CHST9: variants seen among roughly 807,000 people sequenced by gnomAD.
The protein encoded by CHST9 is carbohydrate sulfotransferase 9.
In CHST9, 41 loss-of-function variants were observed where a neutral mutation model predicts 44.4. The observed-to-expected ratio is 0.92, with a 90% CI of 0.72 to 1.20. The LOEUF (loss-of-function observed/expected upper bound fraction) is 1.20, where lower values mean the gene tolerates loss of function less well. CHST9 is among the 50% of genes most tolerant of loss of function. The probability of loss-of-function intolerance (pLI) is 0.00; values close to 1 mark genes in which losing one functional copy is unlikely to be tolerated. For missense variants in CHST9, 504 were observed against 516.5 expected, an observed-to-expected ratio of 0.98 and a Z score of 0.23; for synonymous variants, 171 against 178.4, an observed-to-expected ratio of 0.96 and a Z score of 0.33.
chr18:26,997,161 A>G (rs2056896373), intron 4 of CHST9, among the ~76,000 whole-genome samples: 1 of 152,206 alleles, frequency 6.6e-6, no homozygotes, highest in Non-Finnish European at 1.5e-5. Context: ...TGACAGGGCT[A>G]TAGAGTGCTT....
intron 2 of CHST9, among the ~76,000 whole-genome samples, chr18:27,086,904 G>A (rs1470397337): frequency 6.6e-6 from 1 of 152,064 alleles, no homozygotes; most frequent in Non-Finnish European, 1.5e-5. Context: ...TTGCTTAACT[G>A]AAATGTGGGG....
intron 2 of CHST9, among the ~76,000 whole-genome samples, chr18:27,077,702 G>A (rs2057918991): frequency 6.6e-6 from 1 of 152,126 alleles, no homozygotes; most frequent in Non-Finnish European, 1.5e-5. Context: ...ATACTGTGAG[G>A]AAAACTTATA....
intron 4 of CHST9, among the ~76,000 whole-genome samples, chr18:27,012,192 G>C (rs563395071): frequency 1.8e-4 from 27 of 152,018 alleles, no homozygotes; most frequent in African/African-American, 2.4e-4. Flanking sequence ...CAGGGTTTAG[G>C]GGGGAGCCAA....
intron 2 of CHST9, among the ~76,000 whole-genome samples, chr18:27,105,924 A>G (rs921843082): frequency 2.0e-5 from 3 of 152,184 alleles, no homozygotes; most frequent in African/African-American, 7.2e-5. Context: ...TTGGAAAAAC[A>G]TGTATCAATT....
At chr18:27,050,403 C>T (rs544125913) in intron 2 of CHST9, among the ~76,000 whole-genome samples, 6 of 152,090 alleles carry the variant, frequency 3.9e-5, no homozygotes, top group African/African-American at 1.4e-4. Context: ...CCAGCTGTCA[C>T]TTTTTTTTGT....
intron 1 of CHST9, among the ~76,000 whole-genome samples, chr18:27,163,137 G>A (rs567648143): frequency 1.1e-4 from 16 of 152,296 alleles, no homozygotes; most frequent in African/African-American, 3.6e-4. Context: ...GGATATTGGT[G>A]AACAGCAGAT....
intron 2 of CHST9, among the ~76,000 whole-genome samples, chr18:27,141,591 C>CAAAAAAAAAAAAAAAA (rs34920055): frequency 1.0e-4 from 5 of 50,098 alleles, no homozygotes; most frequent in African/African-American, 4.4e-4. Context: ...AATCCCGACT[C>CAAAAAAAAAAAAAAAA]AAAAAAAAAA....
chr18:26,994,477 T>A (rs1193377591), intron 4 of CHST9, among the ~76,000 whole-genome samples: 3 of 152,060 alleles, frequency 2.0e-5, no homozygotes, highest in Non-Finnish European at 4.4e-5. Flanking sequence ...TCTTTTGATT[T>A]CTGATAACAC....
intron 2 of CHST9, among the ~76,000 whole-genome samples, chr18:27,089,383 G>A (rs922231033): frequency 2.0e-5 from 3 of 151,504 alleles, no homozygotes; most frequent in Non-Finnish European, 4.4e-5. Flanking sequence ...GAGAATGTGC[G>A]GTGTTTGGTT....
chr18:27,019,962 A>G (rs1269642751), intron 4 of CHST9, among the ~76,000 whole-genome samples: 1 of 152,212 alleles, frequency 6.6e-6, no homozygotes, highest in Non-Finnish European at 1.5e-5. Flanking sequence ...AGGGTCAAAG[A>G]AATAAAATGA....
rs758130927 is a variant in CHST9 at position 26,916,458 on chromosome 18, T to C, written c.1133A>G (p.Asn378Ser). The change falls in exon 6 of 6, where the codon AAT (asparagine) becomes AGT (serine). Residue 378 changes from asparagine to serine, a missense_variant. Coordinates refer to ENST00000618847, the MANE Select transcript of CHST9 (RefSeq NM_031422.6). ...AGCACCGATCATCTGTAAAAAGTAA[T>C]TGGCATCTTCTTCCAAAGTCTCAAA... Reference protein sequence around the residue: ...GKFETLEEDANYFLQMIGAPK... With the variant: ...GKFETLEEDASYFLQMIGAPK... 260 of 1,613,608 alleles carry C rather than the reference T, an allele frequency of 1.6e-4. No homozygotes were observed. In the South Asian group the frequency reaches 2.5e-3, roughly 16 times the overall value.
At chr18:26,920,337 A>C (rs1363786251) in intron 5 of CHST9, among the ~76,000 whole-genome samples, 2 of 152,136 alleles carry the variant, frequency 1.3e-5, no homozygotes, top group African/African-American at 2.4e-5. Flanking sequence ...TTCATTCTTC[A>C]GCTCTCAGTT....
chr18:26,932,160 G>C (rs2055890034), intron 5 of CHST9, among the ~76,000 whole-genome samples: 1 of 152,132 alleles, frequency 6.6e-6, no homozygotes, highest in African/African-American at 2.4e-5. Flanking sequence ...GTACCAAGAA[G>C]CTCTACTGAA....
intron 3 of CHST9, among the ~76,000 whole-genome samples, chr18:27,033,121 C>T (rs1296105506): frequency 2.0e-5 from 3 of 152,168 alleles, no homozygotes; most frequent in Admixed American, 6.5e-5. Context: ...AGAATTCCTC[C>T]CAGACACAGA....
chr18:27,052,833 T>C (rs1345893672), intron 2 of CHST9, among the ~76,000 whole-genome samples: 1 of 151,656 alleles, frequency 6.6e-6, no homozygotes, highest in Non-Finnish European at 1.5e-5. Context: ...CAGAAAACCA[T>C]ACACCTCATA....
At position 27,159,610 on chromosome 18, in the gene CHST9, A is replaced by G. The variant is rs559172514; in HGVS notation, c.-96-16705T>C. On this transcript the variant is annotated intron_variant, in intron 1 of 5. Transcript: ENST00000618847. Reference sequence around the variant, plus strand: ...AATGCAGGCTCGTTTTTGGTTCCATATGAACTTTAAAGCAGTTTTTTCCAA... The same window carrying G: ...AATGCAGGCTCGTTTTTGGTTCCATGTGAACTTTAAAGCAGTTTTTTCCAA... Among the ~76,000 whole-genome samples the G allele has an allele frequency of 7.9e-4, 121 of 152,278 alleles. 1 individual carries two copies. The highest frequency in any genetic ancestry group is 2.8e-3 in the African/African-American group (116 of 41,562).
intron 4 of CHST9, among the ~76,000 whole-genome samples, chr18:26,976,460 G>C (rs541887772): frequency 6.6e-6 from 1 of 152,084 alleles, no homozygotes; most frequent in African/African-American, 2.4e-5. Flanking sequence ...TCAGGTCTCC[G>C]GACACTCAGT....
At chr18:26,999,554 A>T (rs1001553060) in intron 4 of CHST9, among the ~76,000 whole-genome samples, 1 of 152,176 alleles carries the variant, frequency 6.6e-6, no homozygotes, top group Non-Finnish European at 1.5e-5. Context: ...AAGTAATTAC[A>T]TGTTTTGTAA....
chr18:26,990,253 G>C (rs899033872), intron 4 of CHST9, among the ~76,000 whole-genome samples: 1 of 152,126 alleles, frequency 6.6e-6, no homozygotes, highest in Non-Finnish European at 1.5e-5. Flanking sequence ...GGGACACAAG[G>C]AAACTCTTTC....
Sources: allele counts gnomAD v4.1 joint callset (sites outside exome capture counted in the v4.1 genomes callset), GRCh38; gene constraint gnomAD v4.1.1; transcripts MANE v1.5; gene names NCBI Gene and HGNC (gene_info 2026-07-23, HGNC 2026-07-21).